The following MBNL2 variants were observed in gnomAD, a reference collection of about 807,000 sequenced individuals.
MBNL2 encodes the protein muscleblind like splicing regulator 2, also known as muscleblind-like protein 2.
Under a neutral mutation model 41.9 loss-of-function variants are expected in MBNL2, and 17 were observed. The ratio of observed to expected loss-of-function variants is 0.41; its 90% confidence interval spans 0.28 to 0.61. The LOEUF is 0.61. MBNL2 is among the 20% of genes least tolerant of loss of function. The probability of loss-of-function intolerance (pLI) is 0.35; values close to 1 mark genes in which losing one functional copy is unlikely to be tolerated. For missense variants in MBNL2, 336 were observed against 505.6 expected, an observed-to-expected ratio of 0.66 and a Z score of 3.22; for synonymous variants, 195 against 182.9, an observed-to-expected ratio of 1.07 and a Z score of -0.53.
intron 2 of MBNL2, among the ~76,000 whole-genome samples, chr13:97,320,666 C>T (rs2059425025): frequency 6.6e-6 from 1 of 152,010 alleles, no homozygotes; most frequent in Non-Finnish European, 1.5e-5. Flanking sequence ...ATAATCCCAG[C>T]ACTTTGGGAG....
At chr13:97,371,025 A>G (rs1221206679) in intron 8 of MBNL2, among the ~76,000 whole-genome samples, 1 of 152,226 alleles carries the variant, frequency 6.6e-6, no homozygotes, top group African/African-American at 2.4e-5. Context: ...GTACATTAGA[A>G]GAGGTAAAGC....
In MBNL2 at chr13:97,334,260, A is replaced by T; in HGVS notation, c.175-16A>T. ...GCTACTTAAAATAGTCCTAAAACCA[A>T]CACTTGTTTTTACAGGGCCGTTGTT... On this transcript the variant is annotated splice_polypyrimidine_tract_variant and intron_variant, in intron 2 of 8. Transcript: ENST00000679496. The surrounding 1 kb of genome is among the most constrained non-coding windows in gnomAD (Gnocchi z 5.3). 6.2e-7 allele frequency: 1 copy of T among 1,601,472 alleles called. No individual in the cohort carries two copies. The highest frequency in any genetic ancestry group is 1.1e-5 in the South Asian group (1 of 88,746).
chr13:97,358,472 C>T (rs1208765339), intron 7 of MBNL2, among the ~76,000 whole-genome samples: 1 of 152,038 alleles, frequency 6.6e-6, no homozygotes, highest in Non-Finnish European at 1.5e-5. Flanking sequence ...AAGAAAAAAG[C>T]AGATAAAAGT....
intron 5 of MBNL2, among the ~76,000 whole-genome samples, chr13:97,355,011 C>G (rs2062862866): frequency 6.6e-6 from 1 of 152,124 alleles, no homozygotes; most frequent in Non-Finnish European, 1.5e-5. Context: ...AAACCCTGCA[C>G]TACTTAACAA....
At chr13:97,365,367 G>A (rs77282137) in intron 8 of MBNL2, among the ~76,000 whole-genome samples, 196 bp downstream of exon 8, 2 of 152,284 alleles carry the variant, frequency 1.3e-5, no homozygotes, top group Non-Finnish European at 2.9e-5. Flanking sequence ...GTGACCTCTT[G>A]TGCTAGAACA....
At chr13:97,152,347 T>TA in the MBNL2 span, among the ~76,000 whole-genome samples, 10 of 151,212 alleles carry the variant, frequency 6.6e-5, no homozygotes, top group Admixed American at 4.0e-4. Context: ...AAGAGTTTCA[T>TA]AAAAAAAGAG....
At chr13:97,188,482 G>A in the MBNL2 span, among the ~76,000 whole-genome samples, 1,360 of 152,012 alleles carry the variant, frequency 8.9e-3, 20 homozygotes, top group African/African-American at 0.031. Context: ...CACACCTGCC[G>A]CACACACATA....
chr13:97,147,465 T>G, the MBNL2 span, among the ~76,000 whole-genome samples: 1 of 152,192 alleles, frequency 6.6e-6, no homozygotes, highest in Non-Finnish European at 1.5e-5. Context: ...GCTTTGATCA[T>G]CTGGAATGAT....
chr13:97,200,884 G>T, the MBNL2 span, among the ~76,000 whole-genome samples: 4 of 152,128 alleles, frequency 2.6e-5, no homozygotes, highest in Non-Finnish European at 5.9e-5. Context: ...TTGGCTGCCT[G>T]ACCTTCCACC....
intron 3 of MBNL2, among the ~76,000 whole-genome samples, chr13:97,340,162 G>A (rs1289260485): frequency 1.3e-5 from 2 of 152,208 alleles, no homozygotes; most frequent in Non-Finnish European, 1.5e-5. Flanking sequence ...ACCTTTCACA[G>A]ATGTAAAGCA....
intron 2 of MBNL2, among the ~76,000 whole-genome samples, chr13:97,285,198 A>T (rs1265268254): frequency 6.6e-6 from 1 of 152,228 alleles, no homozygotes; most frequent in Admixed American, 6.5e-5. Flanking sequence ...TGGCCTGGGA[A>T]TCTGCATCTG....
chr13:97,298,262 A>G (rs2057276410), intron 2 of MBNL2, among the ~76,000 whole-genome samples: 1 of 152,164 alleles, frequency 6.6e-6, no homozygotes, highest in Non-Finnish European at 1.5e-5. Context: ...AAAACAAAAT[A>G]AAACTTCTGG....
chr13:97,362,701 G>A (rs2153115107), intron 7 of MBNL2, among the ~76,000 whole-genome samples: 1 of 152,198 alleles, frequency 6.6e-6, no homozygotes, highest in South Asian at 2.1e-4. Flanking sequence ...CCTGCATTTG[G>A]AAAGATCTAC....
chr13:97,178,796 C>A, the MBNL2 span, among the ~76,000 whole-genome samples: 43 of 152,160 alleles, frequency 2.8e-4, no homozygotes, highest in African/African-American at 1.0e-3. Flanking sequence ...ACTGGGGAGG[C>A]TGAGGTGGAA....
At chr13:97,292,953 T>A (rs1047132523) in intron 2 of MBNL2, among the ~76,000 whole-genome samples, 1 of 152,154 alleles carries the variant, frequency 6.6e-6, no homozygotes, top group Admixed American at 6.5e-5. Flanking sequence ...TTTTTTAAAT[T>A]AAATTTGCCA....
intron 1 of MBNL2, among the ~76,000 whole-genome samples, chr13:97,269,057 G>A (rs1485761975): frequency 6.6e-6 from 1 of 152,182 alleles, no homozygotes; most frequent in African/African-American, 2.4e-5. Flanking sequence ...AGAAAGGCAG[G>A]AAGTTTCTAA....
At chr13:97,304,214 G>C (rs1031600918) in intron 2 of MBNL2, among the ~76,000 whole-genome samples, 2 of 152,224 alleles carry the variant, frequency 1.3e-5, no homozygotes, top group East Asian at 1.9e-4. Flanking sequence ...CAGTTGGAAA[G>C]CTGTATTAGA....
intron 2 of MBNL2, among the ~76,000 whole-genome samples, chr13:97,333,402 T>A (rs1466595597): frequency 2.0e-5 from 3 of 152,240 alleles, no homozygotes; most frequent in Non-Finnish European, 2.9e-5. Context: ...TTTTACCAGC[T>A]TTGGCTTCCA....
the MBNL2 span, among the ~76,000 whole-genome samples, chr13:97,202,235 G>A: frequency 0.01 from 1,571 of 152,214 alleles, 27 homozygotes; most frequent in Middle Eastern, 0.027. Flanking sequence ...ACTGAAATTG[G>A]GTGATGCATA....
Sources: gnomAD v4.1 joint callset for allele counts (sites outside exome capture counted in the v4.1 genomes callset) on GRCh38, gnomAD v4.1.1 for gene constraint, Gnocchi (gnomAD v3.1) non-coding constraint, MANE v1.5 for transcripts, NCBI Gene and HGNC (gene_info 2026-07-23, HGNC 2026-07-21) for gene names.